FYCO1: variants seen among roughly 807,000 people sequenced by gnomAD.
FYCO1 encodes the protein FYVE and coiled-coil domain autophagy adaptor 1.
In FYCO1, 122 loss-of-function variants were observed where a neutral mutation model predicts 165.1. The ratio of observed to expected loss-of-function variants is 0.74; its 90% confidence interval spans 0.64 to 0.86. FYCO1 has a LOEUF of 0.86. Ranked by LOEUF, FYCO1 falls within the 40% of genes least tolerant of loss-of-function variation. The pLI is 0.00. For synonymous variants in FYCO1, 648 were observed against 742.5 expected (o/e 0.87, Z 2.07); for missense variants, 1,702 against 1,810.3 (o/e 0.94, Z 1.09).
intron 1 of FYCO1, among the ~76,000 whole-genome samples, chr3:45,986,965 G>A (rs1707347406): frequency 6.6e-6 from 1 of 152,158 alleles, no homozygotes; most frequent in Non-Finnish European, 1.5e-5. Flanking sequence ...TACCCATCAA[G>A]GAGACAGATG....
In FYCO1 at chr3:45,957,649, T is replaced by C. The variant is rs565558061; in HGVS notation, c.3799+759A>G. ...TACACTCCCCATCCTTGTCAGTTCT[T>C]TGTACCCAACAACATAATGGGGCCT... On this transcript the variant is annotated intron_variant, in intron 13 of 17. Coordinates refer to ENST00000296137, the MANE Select transcript of FYCO1 (RefSeq NM_024513.4). Among the ~76,000 whole-genome samples the C allele has an allele frequency of 1.9e-4, 29 of 152,358 alleles. No homozygotes were observed. The South Asian group carries it at 3.1e-3, about 16-fold the overall frequency.
At position 45,923,842 on chromosome 3, in the gene FYCO1, T is replaced by C. The variant is rs1703201386; in HGVS notation, c.4252-77A>G. Reference sequence around the variant, plus strand: ...CGGCATCCTCAGGGAAGACCCTTTATTTTGGGGTAGGAGGCTGAGTGTGTT... The same window carrying C: ...CGGCATCCTCAGGGAAGACCCTTTACTTTGGGGTAGGAGGCTGAGTGTGTT... On this transcript the variant is annotated intron_variant, in intron 16 of 17. Transcript: ENST00000296137. The C allele has an allele frequency of 4.1e-6, 4 of 981,012 alleles. No individual in the cohort carries two copies. In the East Asian group the frequency reaches 7.2e-5, roughly 18 times the overall value. The allele number at this position is 981,012 out of a possible 1,614,324, so 60.8% of individuals were successfully genotyped here. A position where few individuals can be genotyped will look rare whatever the true frequency, so the allele number is the denominator to read the frequency against.
chr3:45,950,047 A>T (rs1704906695), intron 14 of FYCO1, among the ~76,000 whole-genome samples: 2 of 152,138 alleles, frequency 1.3e-5, no homozygotes, highest in Admixed American at 1.3e-4. Flanking sequence ...TGCTGTTGGT[A>T]CAGGCTCCAT....
intron 16 of FYCO1, among the ~76,000 whole-genome samples, chr3:45,928,348 C>T (rs1703422931): frequency 1.3e-5 from 2 of 152,326 alleles, no homozygotes; most frequent in South Asian, 2.1e-4. Context: ...TGGCCAAAGA[C>T]GGATCCTCTG....
intron 14 of FYCO1, among the ~76,000 whole-genome samples, chr3:45,942,318 G>A (rs1472893831): frequency 6.6e-6 from 1 of 152,210 alleles, no homozygotes; most frequent in Non-Finnish European, 1.5e-5. Flanking sequence ...GGATTAGATG[G>A]CTGTACATAG....
chr3:45,979,898 T>A, intron 3 of FYCO1, 68 bp from the exon 4 acceptor site: 1 of 1,585,038 alleles, frequency 6.3e-7, no homozygotes. Flanking sequence ...ATTTAAATGA[T>A]AAATAATAAC....
intron 1 of FYCO1, among the ~76,000 whole-genome samples, chr3:45,994,732 G>GGCCT (rs1300148439): frequency 6.7e-6 from 1 of 148,404 alleles, no homozygotes; most frequent in African/African-American, 2.5e-5. Flanking sequence ...GAGACCACAA[G>GGCCT]GCCTGCACGG....
chr3:45,931,377 C>T (rs977278664), intron 15 of FYCO1, 96 bp from the exon 16 acceptor site: 18 of 1,171,634 alleles, frequency 1.5e-5, no homozygotes, highest in East Asian at 1.2e-4. Context: ...CTGGAGACTT[C>T]GGAGACTCTT....
chr3:45,957,645 T>C lies in FYCO1; in HGVS notation c.3799+763A>G, dbSNP rs978062837. The stretch of plus-strand genomic sequence containing the variant: ...AAAGTACACTCCCCATCCTTGTCAG[T>C]TCTTTGTACCCAACAACATAATGGG... On this transcript the variant is annotated intron_variant, in intron 13 of 17. Transcript: ENST00000296137. Among the ~76,000 whole-genome samples, 5 of 152,366 alleles carry C rather than the reference T, an allele frequency of 3.3e-5. No homozygotes were observed. In the East Asian group the frequency reaches 7.7e-4, roughly 23 times the overall value.
At chr3:45,948,939 C>T (rs909983686) in intron 14 of FYCO1, among the ~76,000 whole-genome samples, 9 of 152,198 alleles carry the variant, frequency 5.9e-5, no homozygotes, top group African/African-American at 2.2e-4. Context: ...GCATGTAAAA[C>T]ACTTGGCACA....
chr3:45,931,048 A>C (rs1375670928), intron 16 of FYCO1, 23 bp downstream of exon 16: 1 of 1,603,814 alleles, frequency 6.2e-7, no homozygotes, highest in Non-Finnish European at 8.5e-7. Flanking sequence ...TAAGGAGCCC[A>C]CAGGCAGGGA....
intron 1 of FYCO1, among the ~76,000 whole-genome samples, chr3:45,987,757 T>C (rs1342734158): frequency 6.6e-6 from 1 of 152,154 alleles, no homozygotes; most frequent in South Asian, 2.1e-4. Context: ...AAGGAGGTGA[T>C]AGCAACAACA....
At chr3:45,982,433 GCT>G (rs1309110722) in intron 2 of FYCO1, among the ~76,000 whole-genome samples, 2 of 152,186 alleles carry the variant, frequency 1.3e-5, no homozygotes, top group Non-Finnish European at 2.9e-5. Context: ...AAACAGCAGA[GCT>G]GGAATAAGAA....
At chr3:45,982,967 G>T (rs975258749) in intron 2 of FYCO1, among the ~76,000 whole-genome samples, 2 of 152,152 alleles carry the variant, frequency 1.3e-5, no homozygotes, top group African/African-American at 4.8e-5. Context: ...GTAAACACTC[G>T]CAACCTGATC....
chr3:45,933,971 T>A (rs1166138346), intron 15 of FYCO1, among the ~76,000 whole-genome samples: 1 of 151,524 alleles, frequency 6.6e-6, no homozygotes, highest in Non-Finnish European at 1.5e-5. Flanking sequence ...ATTTTAGAAC[T>A]AAATAATTAC....
rs183202543 is a variant in FYCO1, at chr3:45,942,914, C to A, written c.3945-6371G>T. Among the ~76,000 whole-genome samples, 15 of 152,286 alleles carry A rather than the reference C, an allele frequency of 9.8e-5. No homozygotes were observed. The East Asian group carries it at 2.9e-3, about 29-fold the overall frequency. On this transcript the variant is annotated intron_variant, in intron 14 of 17. Coordinates refer to ENST00000296137, the MANE Select transcript of FYCO1 (RefSeq NM_024513.4). ...ACCCATCATCATGCTGTTGATTGGT[C>A]TGGTAATGACAGATACCTGAGTGTG... is the stretch of plus-strand genomic sequence containing the variant.
chr3:45,956,786 A>G (rs902438953), intron 13 of FYCO1, among the ~76,000 whole-genome samples: 1 of 152,222 alleles, frequency 6.6e-6, no homozygotes, highest in African/African-American at 2.4e-5. Context: ...ATGTTCATGG[A>G]CTGAGTCAAT....
At position 45,940,637 on chromosome 3, in the gene FYCO1, G is replaced by A. The variant is rs115824816; in HGVS notation, c.3945-4094C>T. 3.9e-3 allele frequency among the ~76,000 whole-genome samples: 591 copies of A among 152,202 alleles called. 8 individuals are homozygous for A. Among genetic ancestry groups the A allele is most frequent in the African/African-American group, 0.013 (547 of 41,520 alleles). ...AAGTCAAGGGCCGGATGGGGCACTT[G>A]GATCTCTCAGGTCACCTGCTTGGCT... On this transcript the variant is annotated intron_variant, in intron 14 of 17. Coordinates refer to ENST00000296137, the MANE Select transcript of FYCO1 (RefSeq NM_024513.4).
intron 4 of FYCO1, among the ~76,000 whole-genome samples, chr3:45,976,233 G>A (rs1030923959): frequency 6.6e-6 from 1 of 152,054 alleles, no homozygotes; most frequent in Non-Finnish European, 1.5e-5. Flanking sequence ...AGAGGAAGGA[G>A]ATGTGACCGT....
Sources: gnomAD v4.1 joint callset for allele counts (sites outside exome capture counted in the v4.1 genomes callset) on GRCh38, gnomAD v4.1.1 for gene constraint, MANE v1.5 for transcripts, NCBI Gene and HGNC (gene_info 2026-07-23, HGNC 2026-07-21) for gene names.